The following OR5F1 variants were observed in gnomAD, a reference collection of about 807,000 sequenced individuals.
OR5F1 encodes the protein olfactory receptor family 5 subfamily F member 1, also known as olfactory receptor 5F1.
For missense variants in OR5F1, 429 were observed against 369.9 expected, an observed-to-expected ratio of 1.16 and a Z score of -1.31; for synonymous variants, 185 against 153.2, an observed-to-expected ratio of 1.21 and a Z score of -1.53.
In OR5F1 at chr11:55,994,050, T is replaced by G; in HGVS notation, c.576A>C (p.Thr192=). 6.2e-7 allele frequency: 1 copy of G among 1,613,966 alleles called. No homozygotes were observed. Among genetic ancestry groups the G allele is most frequent in the Non-Finnish European group, 8.5e-7 (1 of 1,179,968 alleles). Residue 192 remains threonine, a synonymous_variant, in exon 1 of 1, where the codon ACA becomes ACC. Coordinates refer to ENST00000278409, the MANE Select transcript of OR5F1 (RefSeq NM_003697.1). ...TAGAACTTATGCTTTCTTTCAGGAT[T>G]GTGTCAGAACAAGAGAGCTTGAAAA... ...PPLFKLSCSD[T]ILKESISSIL...
Position 55,994,339 on chromosome 11 carries a change from C to A in OR5F1, c.287G>T (p.Gly96Val). The A allele has an allele frequency of 6.2e-7, 1 of 1,613,904 alleles. No homozygotes were observed. The highest frequency in any genetic ancestry group is 8.5e-7 in the Non-Finnish European group (1 of 1,179,978). Residue 96 changes from glycine (G) to valine (V), a missense_variant, in exon 1 of 1, where the codon GGC (glycine) becomes GTC (valine). Gly to Val is a moderately radical substitution (Grantham distance 109). Transcript: ENST00000278409. ...LSEKKTISFA[G>V]CFLQMYFFIS... The stretch of plus-strand genomic sequence containing the variant: ...AAAGAAGTACATCTGTAGGAAGCAG[C>A]CAGCAAAAGAGATGGTTTTCTTCTC...
At position 55,994,438 on chromosome 11, in the gene OR5F1, A is replaced by G; in HGVS notation, c.188T>C (p.Leu63Pro). Residue 63 changes from leucine (L) to proline (P), a missense_variant, in exon 1 of 1, where the codon CTG becomes CCG. By Grantham distance (98) the Leu-to-Pro change is moderately conservative (BLOSUM62 -3). Coordinates refer to ENST00000278409, the MANE Select transcript of OR5F1 (RefSeq NM_003697.1). ...AACGTCCACAAAGGACAGGTTAGCC[A>G]GGAAGAAATACATGGGTGTGTGAAG... The part of the protein sequence containing the change: ...SQLHTPMYFF[L>P]ANLSFVDVCN... 1.2e-6 allele frequency: 2 copies of G among 1,613,946 alleles called. No homozygotes were observed. The highest frequency in any genetic ancestry group is 1.7e-6 in the Non-Finnish European group (2 of 1,179,984).
rs760956498 is a variant in OR5F1 at position 55,993,871 on chromosome 11, T to A, written c.755A>T (p.Tyr252Phe). The change falls in exon 1 of 1, where the codon TAT becomes TTT. Residue 252 changes from tyrosine (Y) to phenylalanine (F), a missense_variant. Transcript: ENST00000278409. ...ASHLTAIILFYATCIYTYLRP... is the reference protein window; with the variant it reads ...ASHLTAIILFFATCIYTYLRP... ...CAGGTAAGTATAGATGCAGGTGGCA[T>A]AGAACAGAATTATGGCTGTCAGGTG... The A allele has an allele frequency of 3.7e-6, 6 of 1,613,654 alleles. No homozygotes were observed. In the Admixed American group the frequency reaches 1.0e-4, roughly 27 times the overall value.
rs779871082 is a variant in OR5F1, at chr11:55,994,510, A to T, written c.116T>A (p.Val39Glu). 1.9e-6 allele frequency: 3 copies of T among 1,613,482 alleles called. No homozygotes were observed. Among genetic ancestry groups the T allele is most frequent in the Non-Finnish European group, 2.5e-6 (3 of 1,179,654 alleles). Residue 39 changes from valine (V) to glutamate (E), a missense_variant, in exon 1 of 1, where the codon GTA (valine) becomes GAA (glutamate). Val to Glu is a moderately radical substitution (Grantham distance 121, BLOSUM62 -2). Coordinates refer to ENST00000278409, the MANE Select transcript of OR5F1 (RefSeq NM_003697.1). ...LFFLVIYTLT[V>E]LGNLGMILLI... Reference sequence around the variant, plus strand: ...GAGGATCATCCCGAGATTTCCCAGTACTGTAAGTGTATAAATCACAAGAAA... The same window carrying T: ...GAGGATCATCCCGAGATTTCCCAGTTCTGTAAGTGTATAAATCACAAGAAA...
chr11:55,994,531 A>G lies in OR5F1; in HGVS notation c.95T>C (p.Leu32Pro), dbSNP rs776392369. The G allele has an allele frequency of 5.6e-6, 9 of 1,613,532 alleles. No homozygotes were observed. Among genetic ancestry groups the G allele is most frequent in the African/African-American group, 1.3e-5 (1 of 74,784 alleles). ...CAGTACTGTAAGTGTATAAATCACAAGAAAAAACAAAAAGAGGATAATCTG... is the reference window on the plus strand; with the variant it reads ...CAGTACTGTAAGTGTATAAATCACAGGAAAAAACAAAAAGAGGATAATCTG... The part of the protein sequence containing the change: ...ELQIILFLFF[L>P]VIYTLTVLGN... Residue 32 changes from leucine to proline, a missense_variant, in exon 1 of 1, where the codon CTT becomes CCT. Leu to Pro is a moderately conservative substitution (Grantham distance 98, BLOSUM62 -3). Coordinates refer to ENST00000278409, the MANE Select transcript of OR5F1 (RefSeq NM_003697.1).
rs530485082 is a variant in OR5F1 at position 55,993,965 on chromosome 11, C to A, written c.661G>T (p.Val221Phe). 3 of 1,613,852 alleles carry A rather than the reference C, an allele frequency of 1.9e-6. No homozygotes were observed. Among genetic ancestry groups the A allele is most frequent in the Non-Finnish European group, 2.5e-6 (3 of 1,179,952 alleles). Residue 221 changes from valine (V) to phenylalanine (F), a missense_variant, in exon 1 of 1, where the codon GTT becomes TTT. By Grantham distance (50) the Val-to-Phe change is conservative. Coordinates refer to ENST00000278409, the MANE Select transcript of OR5F1 (RefSeq NM_003697.1). The stretch of plus-strand genomic sequence containing the variant: ...TGCATAGAAAAAATGGAGAAGAGAA[C>A]GTAGGAGTAGGAGGAGAGGATGACA... ...LLVILSSYSY[V>F]LFSIFSMHSG...
In OR5F1 at chr11:55,993,880, A is replaced by G; in HGVS notation, c.746T>C (p.Ile249Thr). ...STCASHLTAI[I>T]LFYATCIYTY... ...ATAGATGCAGGTGGCATAGAACAGA[A>G]TTATGGCTGTCAGGTGAGAGGCACA... Residue 249 changes from isoleucine (I) to threonine (T), a missense_variant, in exon 1 of 1, where the codon ATT becomes ACT. Ile to Thr is a moderately conservative substitution (Grantham distance 89, BLOSUM62 -1). Coordinates refer to ENST00000278409, the MANE Select transcript of OR5F1 (RefSeq NM_003697.1). 1.2e-6 allele frequency: 2 copies of G among 1,613,988 alleles called. No individual in the cohort carries two copies. Among genetic ancestry groups the G allele is most frequent in the East Asian group, 2.2e-5 (1 of 44,866 alleles).
chr11:55,994,532 G>C lies in OR5F1; in HGVS notation c.94C>G (p.Leu32Val). The stretch of plus-strand genomic sequence containing the variant: ...AGTACTGTAAGTGTATAAATCACAA[G>C]AAAAAACAAAAAGAGGATAATCTGT... ...ELQIILFLFF[L>V]VIYTLTVLGN... The change falls in exon 1 of 1, where the codon CTT becomes GTT. Residue 32 changes from leucine (L) to valine (V), a missense_variant. Coordinates refer to ENST00000278409, the MANE Select transcript of OR5F1 (RefSeq NM_003697.1). 1 of 1,609,642 alleles carries C rather than the reference G, an allele frequency of 6.2e-7. No homozygotes were observed. Among genetic ancestry groups the C allele is most frequent in the Non-Finnish European group, 8.5e-7 (1 of 1,178,534 alleles).
In OR5F1 at chr11:55,994,051, G is replaced by A; in HGVS notation, c.575C>T (p.Thr192Ile). ...AGAACTTATGCTTTCTTTCAGGATT[G>A]TGTCAGAACAAGAGAGCTTGAAAAG... ...PPLFKLSCSD[T>I]ILKESISSIL... Residue 192 changes from threonine to isoleucine, a missense_variant, in exon 1 of 1, where the codon ACA (threonine) becomes ATA (isoleucine). Coordinates refer to ENST00000278409, the MANE Select transcript of OR5F1 (RefSeq NM_003697.1). 1.2e-6 allele frequency: 2 copies of A among 1,613,998 alleles called. No individual in the cohort carries two copies. Among genetic ancestry groups the A allele is most frequent in the Non-Finnish European group, 1.7e-6 (2 of 1,179,978 alleles).
chr11:55,993,683 A>G lies in OR5F1; in HGVS notation c.943T>C (p.Ter315ArgextTer?), dbSNP rs1852985765. The change falls in exon 1 of 1, where the codon TGA becomes CGA. Residue 315 changes from the stop codon to arginine, a stop_lost. Coordinates refer to ENST00000278409, the MANE Select transcript of OR5F1 (RefSeq NM_003697.1). ...AGTTGAGATTTTTAGCCAAACAATC[A>G]CAGAAAGGAAGAGGTCCTTTTCCTG... Reference protein sequence around the residue: ...ISRKRTSSFL* With the variant: ...ISRKRTSSFLR 1 of 1,517,244 alleles carries G rather than the reference A, an allele frequency of 6.6e-7. No homozygotes were observed. The allele number at this position is 1,517,244 out of a possible 1,614,324, so 94.0% of individuals were successfully genotyped here. A position where few individuals can be genotyped will look rare whatever the true frequency, so the allele number is the denominator to read the frequency against.
chr11:55,993,838 C>A lies in OR5F1; in HGVS notation c.788G>T (p.Ser263Ile), dbSNP rs1852988656. Residue 263 changes from serine to isoleucine, a missense_variant, in exon 1 of 1, where the codon AGT becomes ATT. Physicochemically the swap from Ser to Ile is moderately radical, Grantham distance 142. Coordinates refer to ENST00000278409, the MANE Select transcript of OR5F1 (RefSeq NM_003697.1). ...ATCIYTYLRP[S>I]SSYSLNQDKV... ...GTCCTGATTCAGGGAGTAGCTGGAA[C>A]TAGGTCTCAGGTAAGTATAGATGCA... 1 of 1,613,730 alleles carries A rather than the reference C, an allele frequency of 6.2e-7. No homozygotes were observed. Among genetic ancestry groups the A allele is most frequent in the Admixed American group, 1.7e-5 (1 of 59,952 alleles).
rs749838637 is a variant in OR5F1 at position 55,994,175 on chromosome 11, C to T, written c.451G>A (p.Ala151Thr). The change falls in exon 1 of 1, where the codon GCA becomes ACA. Residue 151 changes from alanine (A) to threonine (T), a missense_variant. By Grantham distance (58) the Ala-to-Thr change is moderately conservative. Coordinates refer to ENST00000278409, the MANE Select transcript of OR5F1 (RefSeq NM_003697.1). ...TTGACCATGAAGTTCAGCAACCCTG[C>T]AGCAAAAGCCCCGGCTGCCATTTTT... ...YLKMAAGAFA[A>T]GLLNFMVNTS... The T allele has an allele frequency of 1.9e-6, 3 of 1,613,928 alleles. No individual in the cohort carries two copies. The Admixed American group carries it at 5.0e-5, about 27-fold the overall frequency.
chr11:55,994,204 T>C lies in OR5F1; in HGVS notation c.422A>G (p.Tyr141Cys), dbSNP rs1256694310. 7.4e-6 allele frequency: 12 copies of C among 1,613,724 alleles called. No individual in the cohort carries two copies. Among genetic ancestry groups the C allele is most frequent in the African/African-American group, 2.7e-5 (2 of 74,778 alleles). The change falls in exon 1 of 1, where the codon TAC becomes TGC. Residue 141 changes from tyrosine (Y) to cysteine (C), a missense_variant. Physicochemically the swap from Tyr to Cys is radical, Grantham distance 194. Coordinates refer to ENST00000278409, the MANE Select transcript of OR5F1 (RefSeq NM_003697.1). ...LYSLIMSRTV[Y>C]LKMAAGAFAA... ...AAAAGCCCCGGCTGCCATTTTTAGG[T>C]AGACGGTCCTGGACATGATCAAGGA...
rs1334217598 is a variant in OR5F1 at position 55,993,891 on chromosome 11, C to CA, written c.734dup (p.Thr246AspfsTer18). The CA allele has an allele frequency of 6.2e-7, 1 of 1,613,658 alleles. No homozygotes were observed. The highest frequency in any genetic ancestry group is 2.2e-5 in the East Asian group (1 of 44,866). ...TGGCATAGAACAGAATTATGGCTGT[C>CA]AGGTGAGAGGCACACGTGGAGAAAG... On this transcript the variant is annotated frameshift_variant, in exon 1 of 1. Transcript: ENST00000278409. LOFTEE classifies it low-confidence loss of function (END_TRUNC).
At position 55,993,859 on chromosome 11, in the gene OR5F1, A is replaced by G; in HGVS notation, c.767T>C (p.Ile256Thr). Reference sequence around the variant, plus strand: ...GGAACTAGGTCTCAGGTAAGTATAGATGCAGGTGGCATAGAACAGAATTAT... The same window carrying G: ...GGAACTAGGTCTCAGGTAAGTATAGGTGCAGGTGGCATAGAACAGAATTAT... ...TAIILFYATC[I>T]YTYLRPSSSY... Residue 256 changes from isoleucine (I) to threonine (T), a missense_variant, in exon 1 of 1, where the codon ATC becomes ACC. By Grantham distance (89) the Ile-to-Thr change is moderately conservative. Transcript: ENST00000278409. 1 of 1,613,912 alleles carries G rather than the reference A, an allele frequency of 6.2e-7. No homozygotes were observed. The highest frequency in any genetic ancestry group is 8.5e-7 in the Non-Finnish European group (1 of 1,179,970).
At position 55,994,416 on chromosome 11, in the gene OR5F1, G is replaced by T. The variant is rs545503086; in HGVS notation, c.210C>A (p.Asp70Glu). 6.2e-7 allele frequency: 1 copy of T among 1,613,724 alleles called. No individual in the cohort carries two copies. Among genetic ancestry groups the T allele is most frequent in the South Asian group, 1.1e-5 (1 of 91,074 alleles). The stretch of plus-strand genomic sequence containing the variant: ...GGGTGATGGTAGTTGAGTTACAAAC[G>T]TCCACAAAGGACAGGTTAGCCAGGA... ...YFFLANLSFV[D>E]VCNSTTITPK... The change falls in exon 1 of 1, where the codon GAC (aspartate) becomes GAA (glutamate). Residue 70 changes from aspartate (D) to glutamate (E), a missense_variant. Physicochemically the swap from Asp to Glu is conservative, Grantham distance 45. Coordinates refer to ENST00000278409, the MANE Select transcript of OR5F1 (RefSeq NM_003697.1).
chr11:55,994,077 T>C lies in OR5F1; in HGVS notation c.549A>G (p.Pro183=). The change falls in exon 1 of 1, where the codon CCA becomes CCG. Residue 183 remains proline (P), a synonymous_variant. Transcript: ENST00000278409. ...VIHHFFCDSP[P]LFKLSCSDTI... ...TGTCAGAACAAGAGAGCTTGAAAAG[T>C]GGGGGACTGTCACAGAAGAAGTGAT... 6.2e-7 allele frequency: 1 copy of C among 1,613,922 alleles called. No homozygotes were observed. Among genetic ancestry groups the C allele is most frequent in the Non-Finnish European group, 8.5e-7 (1 of 1,179,974 alleles).
In OR5F1 at chr11:55,994,590, G is replaced by A. The variant is rs139328258; in HGVS notation, c.36C>T (p.Phe12=). 8.3e-6 allele frequency: 13 copies of A among 1,575,006 alleles called. No homozygotes were observed. The highest frequency in any genetic ancestry group is 1.0e-5 in the Non-Finnish European group (12 of 1,159,268). ...TRKNYTSLTE[F]VLLGLADTLE... ...GCGTGTCTGCTAATCCCAATAGGAC[G>A]AACTCAGTCAGTGAGGTATAATTTT... The change falls in exon 1 of 1, where the codon TTC becomes TTT. Residue 12 remains phenylalanine (F), a synonymous_variant. Transcript: ENST00000278409.
In OR5F1 at chr11:55,994,540, A is replaced by G. The variant is rs1357301801; in HGVS notation, c.86T>C (p.Leu29Ser). ...AAGTGTATAAATCACAAGAAAAAAC[A>G]AAAAGAGGATAATCTGTAGCTCCAG... The part of the protein sequence containing the change: ...DTLELQIILF[L>S]FFLVIYTLTV... Residue 29 changes from leucine to serine, a missense_variant, in exon 1 of 1, where the codon TTG becomes TCG. Transcript: ENST00000278409. 7 of 1,613,278 alleles carry G rather than the reference A, an allele frequency of 4.3e-6. No individual in the cohort carries two copies. The South Asian group carries it at 7.7e-5, about 18-fold the overall frequency.
Sources: allele counts gnomAD v4.1 joint callset, GRCh38; gene constraint gnomAD v4.1.1; transcripts MANE v1.5; gene names NCBI Gene and HGNC (gene_info 2026-07-23, HGNC 2026-07-21).